The following TMEM132D variants were observed in gnomAD, a reference collection of about 807,000 sequenced individuals.
TMEM132D encodes the protein mature OL transmembrane protein.
Under a neutral mutation model 62.3 loss-of-function variants are expected in TMEM132D, and 21 were observed. That is an observed-to-expected ratio of 0.34 (90% CI 0.24 to 0.49). The LOEUF is 0.49. Ranked by LOEUF, TMEM132D falls within the 20% of genes least tolerant of loss-of-function variation. TMEM132D has a pLI of 0.99. For missense variants in TMEM132D, 1,346 were observed against 1,402.8 expected (o/e 0.96, Z 0.65); for synonymous variants, 621 against 575.6 (o/e 1.08, Z -1.13).
intron 3 of TMEM132D, among the ~76,000 whole-genome samples, chr12:129,378,539 G>A (rs974743550): frequency 1.3e-5 from 2 of 152,196 alleles, no homozygotes; most frequent in Non-Finnish European, 2.9e-5. Flanking sequence ...GAAAGCTAGA[G>A]AGCTTTGGTT....
At chr12:129,896,409 T>C (rs1332967005) in intron 1 of TMEM132D, among the ~76,000 whole-genome samples, 3 of 152,166 alleles carry the variant, frequency 2.0e-5, no homozygotes, top group Non-Finnish European at 2.9e-5. Context: ...AATGTCGCCA[T>C]CTGTTTTGAT....
intron 1 of TMEM132D, 22 bp from the exon 2 acceptor site, chr12:129,700,720 G>A (rs1026717548): frequency 2.5e-6 from 4 of 1,580,906 alleles, no homozygotes; most frequent in South Asian, 1.2e-5. Flanking sequence ...GAATCGCAGT[G>A]CAGGCGTTAG....
chr12:129,375,173 C>T (rs1870748606), intron 3 of TMEM132D, among the ~76,000 whole-genome samples: 1 of 152,196 alleles, frequency 6.6e-6, no homozygotes, highest in African/African-American at 2.4e-5. Flanking sequence ...AGGAATGTGC[C>T]ACTTTATGCA....
At chr12:129,285,127 C>A (rs543756369) in intron 4 of TMEM132D, among the ~76,000 whole-genome samples, 1 of 152,232 alleles carries the variant, frequency 6.6e-6, no homozygotes, top group Admixed American at 6.5e-5. Flanking sequence ...GAGTCAACAT[C>A]CCCAAGAGGG....
chr12:129,837,812 G>A (rs1001696997), intron 1 of TMEM132D, among the ~76,000 whole-genome samples: 1 of 152,120 alleles, frequency 6.6e-6, no homozygotes, highest in Non-Finnish European at 1.5e-5. Flanking sequence ...CGGAGCCCAC[G>A]AAATATACAT....
chr12:129,171,241 CTCT>C lies in TMEM132D; in HGVS notation c.1443+38276_1443+38278del, dbSNP rs148089147. 5.7e-3 allele frequency among the ~76,000 whole-genome samples: 873 copies of C among 152,338 alleles called. 13 individuals carry two copies. The highest frequency in any genetic ancestry group is 0.02 in the African/African-American group (827 of 41,568). ...TTCTTTGCTCATCCATAAAAAGCAA[CTCT>C]TCTTCTGTTCAAGGTTTGTCATGAG... is the stretch of plus-strand genomic sequence containing the variant. On this transcript the variant is annotated intron_variant, in intron 5 of 8. Coordinates refer to ENST00000422113, the MANE Select transcript of TMEM132D (RefSeq NM_133448.3).
At chr12:129,733,763 C>T (rs190691726) in intron 1 of TMEM132D, among the ~76,000 whole-genome samples, 1 of 152,192 alleles carries the variant, frequency 6.6e-6, no homozygotes, top group East Asian at 1.9e-4. Context: ...TGAGACAGGA[C>T]GCTGCCCTGG....
intron 1 of TMEM132D, among the ~76,000 whole-genome samples, chr12:129,741,318 C>G (rs562704288): frequency 6.6e-6 from 1 of 152,304 alleles, no homozygotes; most frequent in Non-Finnish European, 1.5e-5. Flanking sequence ...TGGGTATTAA[C>G]AGAGACTGCT....
At chr12:129,646,799 C>CT (rs1879791546) in intron 2 of TMEM132D, among the ~76,000 whole-genome samples, 1 of 97,724 alleles carries the variant, frequency 1.0e-5, no homozygotes, top group African/African-American at 4.4e-5. Context: ...AAATAACATG[C>CT]ATTTTTTTTT....
At chr12:129,790,699 C>G (rs1344287021) in intron 1 of TMEM132D, among the ~76,000 whole-genome samples, 3 of 152,148 alleles carry the variant, frequency 2.0e-5, no homozygotes, top group Admixed American at 6.5e-5. Flanking sequence ...CATGTTCCCA[C>G]TTTGGGCCAT....
chr12:129,618,918 C>T (rs1045707590), intron 2 of TMEM132D, among the ~76,000 whole-genome samples: 1 of 152,240 alleles, frequency 6.6e-6, no homozygotes, highest in East Asian at 1.9e-4. Context: ...CAGGACAACT[C>T]GAAGCGGGGG....
chr12:129,164,096 T>C (rs971422282), intron 5 of TMEM132D, among the ~76,000 whole-genome samples: 2 of 152,180 alleles, frequency 1.3e-5, no homozygotes, highest in Non-Finnish European at 2.9e-5. Context: ...GCTCGATTTA[T>C]ATGCAAATTC....
chr12:129,769,773 G>T (rs184930998), intron 1 of TMEM132D, among the ~76,000 whole-genome samples: 179 of 152,194 alleles, frequency 1.2e-3, no homozygotes, highest in African/African-American at 3.9e-3. Flanking sequence ...TCTATTAAGG[G>T]GTGTTTATCC....
At chr12:129,286,052 G>C (rs1881289651) in intron 4 of TMEM132D, among the ~76,000 whole-genome samples, 3 of 152,152 alleles carry the variant, frequency 2.0e-5, no homozygotes, top group Non-Finnish European at 4.4e-5. Context: ...TAGATGAACG[G>C]TTTACAGAAG....
intron 3 of TMEM132D, among the ~76,000 whole-genome samples, chr12:129,353,732 A>G (rs1422026615): frequency 1.3e-5 from 2 of 152,198 alleles, no homozygotes; most frequent in Non-Finnish European, 2.9e-5. Context: ...TTTTGTGTTT[A>G]GCACGGGTAA....
chr12:129,628,052 G>C (rs1454972285), intron 2 of TMEM132D, among the ~76,000 whole-genome samples: 1 of 152,130 alleles, frequency 6.6e-6, no homozygotes, highest in African/African-American at 2.4e-5. Context: ...CATTATTATT[G>C]CAAGTGTTTT....
At chr12:129,715,017 T>C (rs264480) in intron 1 of TMEM132D, among the ~76,000 whole-genome samples, 144,834 of 152,290 alleles carry the variant, frequency 0.95, 69,275 homozygotes, top group East Asian at 1. Flanking sequence ...CATTAAGCTG[T>C]TTTATATTAA....
At chr12:129,840,091 G>A (rs995368107) in intron 1 of TMEM132D, 21 of 152,102 alleles carry the variant, frequency 1.4e-4, no homozygotes, top group Non-Finnish European at 2.5e-4. Flanking sequence ...TAAAAAATAT[G>A]ACCTCAATTT....
intron 2 of TMEM132D, among the ~76,000 whole-genome samples, chr12:129,620,092 G>A (rs550779672): frequency 1.2e-4 from 18 of 152,176 alleles, no homozygotes; most frequent in Admixed American, 5.2e-4. Flanking sequence ...TCACCACATC[G>A]CCAGGGCCAT....
Sources: gnomAD v4.1 joint callset for allele counts (sites outside exome capture counted in the v4.1 genomes callset) on GRCh38, gnomAD v4.1.1 for gene constraint, MANE v1.5 for transcripts, NCBI Gene and HGNC (gene_info 2026-07-23, HGNC 2026-07-21) for gene names.